The following ADAMTSL3 variants were observed in gnomAD, a reference collection of about 807,000 sequenced individuals.
The protein encoded by ADAMTSL3 is ADAMTS like 3, also known as ADAMTS-like protein 3.
In ADAMTSL3, 128 loss-of-function variants were observed where a neutral mutation model predicts 201.7. The observed-to-expected ratio is 0.63, with a 90% CI of 0.55 to 0.73. ADAMTSL3 has a LOEUF of 0.73. Among genes scored for constraint, ADAMTSL3 ranks in the 30% least tolerant of loss-of-function variants. The pLI, the probability that ADAMTSL3 is intolerant of heterozygous loss-of-function variation, is 0.00. For missense variants in ADAMTSL3, 1,990 were observed against 2,119.6 expected (o/e 0.94, Z 1.20); for synonymous variants, 738 against 748.4 (o/e 0.99, Z 0.23).
intron 23 of ADAMTSL3, among the ~76,000 whole-genome samples, chr15:83,999,589 A>G (rs1399387803): frequency 2.0e-5 from 3 of 152,210 alleles, no homozygotes; most frequent in Non-Finnish European, 4.4e-5. Flanking sequence ...TAGAAGTTAC[A>G]GTTTCCTGAT....
chr15:84,014,125 A>G (rs2068048463), intron 23 of ADAMTSL3, among the ~76,000 whole-genome samples: 1 of 152,198 alleles, frequency 6.6e-6, no homozygotes, highest in Non-Finnish European at 1.5e-5. Flanking sequence ...GGAAATATTT[A>G]TGTTTTCCAA....
Position 83,676,688 on chromosome 15 carries a change from A to G in ADAMTSL3, c.69+20858A>G, listed in dbSNP as rs114628484. Among the ~76,000 whole-genome samples, 850 of 152,302 alleles carry G rather than the reference A, an allele frequency of 5.6e-3. 9 individuals carry two copies. Among genetic ancestry groups the G allele is most frequent in the African/African-American group, 0.019 (789 of 41,556 alleles). On this transcript the variant is annotated intron_variant, in intron 2 of 29. Coordinates refer to ENST00000286744, the MANE Select transcript of ADAMTSL3 (RefSeq NM_207517.3). ...GTAACACTCCATCTCAACAACAACAACAATAACAAAATCCTACCCTCCAAG... is the reference window on the plus strand; with the variant it reads ...GTAACACTCCATCTCAACAACAACAGCAATAACAAAATCCTACCCTCCAAG...
chr15:83,803,988 C>CA (rs1365704910), intron 4 of ADAMTSL3, among the ~76,000 whole-genome samples: 1 of 152,056 alleles, frequency 6.6e-6, no homozygotes, highest in Non-Finnish European at 1.5e-5. Context: ...AATAAAAATA[C>CA]AAAAATTAGC....
intron 3 of ADAMTSL3, among the ~76,000 whole-genome samples, chr15:83,752,728 C>T (rs755897141): frequency 1.3e-5 from 2 of 152,138 alleles, no homozygotes; most frequent in Non-Finnish European, 2.9e-5. Context: ...GTTAAGAAAA[C>T]AGATAACAAT....
chr15:83,857,512 C>T lies in ADAMTSL3; in HGVS notation c.728-1254C>T, dbSNP rs189994692. Among the ~76,000 whole-genome samples the T allele has an allele frequency of 1.7e-4, 26 of 152,084 alleles. No individual in the cohort carries two copies. The East Asian group carries it at 5.0e-3, about 29-fold the overall frequency. On this transcript the variant is annotated intron_variant, in intron 7 of 29. Transcript: ENST00000286744. Reference sequence around the variant, plus strand: ...TAGAGTATTCCTGAGTATGGATGTTCTTGTTTATGTAATCTTTCCCATATT... The same window carrying T: ...TAGAGTATTCCTGAGTATGGATGTTTTTGTTTATGTAATCTTTCCCATATT...
intron 9 of ADAMTSL3, among the ~76,000 whole-genome samples, chr15:83,881,871 A>AT (rs1405487895): frequency 7.0e-6 from 1 of 142,382 alleles, no homozygotes; most frequent in African/African-American, 2.6e-5. Flanking sequence ...AGAAAAAAAA[A>AT]GGCCGGGCGC....
chr15:83,969,555 T>C (rs1300173756), intron 19 of ADAMTSL3, among the ~76,000 whole-genome samples: 1 of 152,210 alleles, frequency 6.6e-6, no homozygotes. Flanking sequence ...CTTAAAAATG[T>C]AGGAAACTCT....
chr15:83,696,430 A>T lies in ADAMTSL3; in HGVS notation c.70-7959A>T, dbSNP rs145812499. On this transcript the variant is annotated intron_variant, in intron 2 of 29. Transcript: ENST00000286744. ...CTACCTATGCATTAATATTCCTGACAGTGACCTTACATGGTGTCTGGCTAA... is the reference window on the plus strand; with the variant it reads ...CTACCTATGCATTAATATTCCTGACTGTGACCTTACATGGTGTCTGGCTAA... Among the ~76,000 whole-genome samples the T allele has an allele frequency of 2.2e-4, 34 of 152,364 alleles. No homozygotes were observed. In the Middle Eastern group the frequency reaches 0.014, roughly 61 times the overall value.
At chr15:83,736,733 C>T (rs968398216) in intron 3 of ADAMTSL3, among the ~76,000 whole-genome samples, 14 of 152,222 alleles carry the variant, frequency 9.2e-5, no homozygotes, top group African/African-American at 3.4e-4. Context: ...AAAACAAGGG[C>T]CAGAGAATAA....
chr15:83,978,069 A>G (rs1043617633), intron 20 of ADAMTSL3, among the ~76,000 whole-genome samples: 5 of 152,088 alleles, frequency 3.3e-5, no homozygotes, highest in African/African-American at 1.2e-4. Flanking sequence ...CCAGGGTTCC[A>G]GCAGGGTAAT....
intron 9 of ADAMTSL3, among the ~76,000 whole-genome samples, chr15:83,871,783 A>G (rs916858346): frequency 6.6e-6 from 1 of 152,212 alleles, no homozygotes; most frequent in African/African-American, 2.4e-5. Context: ...GAAAATGCCT[A>G]AGAAATGAAA....
chr15:83,654,806 G>A lies in ADAMTSL3; in HGVS notation c.-34+530G>A, dbSNP rs1406257795. 6.6e-6 allele frequency among the ~76,000 whole-genome samples: 1 copy of A among 152,166 alleles called. No individual in the cohort carries two copies. Among genetic ancestry groups the A allele is most frequent in the African/African-American group, 2.4e-5 (1 of 41,456 alleles). On this transcript the variant is annotated intron_variant, in intron 1 of 29. Transcript: ENST00000286744. This position sits in a 1 kb window ranked among gnomAD's most constrained non-coding sequence, Gnocchi z 5.3. ...GGTGCGAGCAGGCGAGGGTGGCGCA[G>A]AGTCCCAGGGCCCCGCACTGGCCGC...
intron 9 of ADAMTSL3, among the ~76,000 whole-genome samples, chr15:83,883,933 C>T (rs2065333684): frequency 6.7e-6 from 1 of 149,970 alleles, no homozygotes; most frequent in East Asian, 2.0e-4. Flanking sequence ...ACTTTTGTTG[C>T]CCCGGCTGGA....
intron 2 of ADAMTSL3, among the ~76,000 whole-genome samples, chr15:83,693,874 G>T (rs1567077041): frequency 6.6e-6 from 1 of 152,174 alleles, no homozygotes; most frequent in African/African-American, 2.4e-5. Context: ...GATTGAATGG[G>T]TCCTGTGAAC....
At chr15:84,003,823 A>G (rs1004288129) in intron 23 of ADAMTSL3, among the ~76,000 whole-genome samples, 4 of 152,160 alleles carry the variant, frequency 2.6e-5, no homozygotes, top group African/African-American at 9.7e-5. Flanking sequence ...AACACAGGGA[A>G]CCGTCAGAAG....
intron 3 of ADAMTSL3, among the ~76,000 whole-genome samples, chr15:83,713,605 T>C (rs937437236): frequency 2.6e-5 from 4 of 152,128 alleles, no homozygotes; most frequent in African/African-American, 9.7e-5. Flanking sequence ...ATGTCACATA[T>C]GAACTCTGAA....
intron 25 of ADAMTSL3, among the ~76,000 whole-genome samples, chr15:84,019,405 G>GA (rs201988398): frequency 3.3e-4 from 49 of 146,660 alleles, no homozygotes; most frequent in Non-Finnish European, 6.3e-4. Flanking sequence ...GTATTTACCC[G>GA]AAAAAAAAAA....
intron 4 of ADAMTSL3, among the ~76,000 whole-genome samples, chr15:83,800,663 T>G (rs2141850642): frequency 6.6e-6 from 1 of 152,330 alleles, no homozygotes; most frequent in Admixed American, 6.5e-5. Context: ...TTTCAACAAG[T>G]TTTGTATTCC....
rs774048002 is a variant in ADAMTSL3, at chr15:83,899,673, C to T, written c.1642C>T (p.Pro548Ser). 2 of 1,612,096 alleles carry T rather than the reference C, an allele frequency of 1.2e-6. No individual in the cohort carries two copies. Among genetic ancestry groups the T allele is most frequent in the South Asian group, 2.2e-5 (2 of 90,860 alleles). Residue 548 changes from proline to serine, a missense_variant, in exon 15 of 30, where the codon CCT becomes TCT. Physicochemically the swap from Pro to Ser is moderately conservative, Grantham distance 74 (BLOSUM62 -1). Coordinates refer to ENST00000286744, the MANE Select transcript of ADAMTSL3 (RefSeq NM_207517.3). ...AAAAAGTCCAGTGGAAGCAAAATTG[C>T]CTTGGCTGAAACAAGCACAAGAACT... ...KEKSPVEAKL[P>S]WLKQAQELEE...
Sources: allele counts gnomAD v4.1 joint callset (sites outside exome capture counted in the v4.1 genomes callset), GRCh38; gene constraint gnomAD v4.1.1; non-coding constraint Gnocchi (gnomAD v3.1); transcripts MANE v1.5; gene names NCBI Gene and HGNC (gene_info 2026-07-23, HGNC 2026-07-21).